Variants in PHTF2 observed in about 807,000 individuals in gnomAD.
The protein encoded by PHTF2 is putative homeodomain transcription factor 2, also known as protein PHTF2.
A neutral mutation model predicts 101.2 loss-of-function variants in PHTF2; 60 were observed. That is an observed-to-expected ratio of 0.59 (90% confidence interval 0.48 to 0.73). The LOEUF (loss-of-function observed/expected upper bound fraction) is 0.73, where lower values mean the gene tolerates loss of function less well. Among genes scored for constraint, PHTF2 ranks in the 30% least tolerant of loss-of-function variants. The pLI is 0.00. For synonymous variants in PHTF2, 311 were observed against 307.3 expected (o/e 1.01, Z -0.13); for missense variants, 747 against 908.7 (o/e 0.82, Z 2.29).
intron 3 of PHTF2, among the ~76,000 whole-genome samples, chr7:77,875,825 G>C (rs1204396091): frequency 1.3e-5 from 2 of 152,076 alleles, no homozygotes; most frequent in Non-Finnish European, 2.9e-5. Context: ...CCAAAGTGCT[G>C]GGATTACAGG....
intron 2 of PHTF2, among the ~76,000 whole-genome samples, chr7:77,845,358 A>G (rs1482864170): frequency 6.6e-6 from 1 of 152,236 alleles, no homozygotes; most frequent in Non-Finnish European, 1.5e-5. Context: ...GCAACATTGT[A>G]TAGTCATAGT....
At chr7:77,918,396 T>A (rs931454665) in intron 9 of PHTF2, among the ~76,000 whole-genome samples, 1 of 152,216 alleles carries the variant, frequency 6.6e-6, no homozygotes, top group Non-Finnish European at 1.5e-5. Context: ...ACTGTCTGAT[T>A]AATGGTTCTA....
intron 3 of PHTF2, among the ~76,000 whole-genome samples, chr7:77,879,205 A>AT (rs1489039404): frequency 6.6e-6 from 1 of 151,952 alleles, no homozygotes; most frequent in Non-Finnish European, 1.5e-5. Context: ...CTTTTTGAAT[A>AT]TTTTTTCTTT....
At chr7:77,956,310 A>C (rs1408365873) in exon 20 of PHTF2, 2 of 152,530 alleles carry the variant, frequency 1.3e-5, no homozygotes, top group Non-Finnish European at 2.9e-5. Context: ...TGATTGGTGC[A>C]GTTCTAATCC....
chr7:77,953,395 T>G (rs1433188658), intron 18 of PHTF2, among the ~76,000 whole-genome samples: 2 of 152,214 alleles, frequency 1.3e-5, no homozygotes, highest in Admixed American at 1.3e-4. Context: ...AGTTTTTACA[T>G]GTTATAATCT....
At chr7:77,901,127 G>A (rs1313777098) in intron 6 of PHTF2, among the ~76,000 whole-genome samples, 1 of 152,126 alleles carries the variant, frequency 6.6e-6, no homozygotes, top group Non-Finnish European at 1.5e-5. Context: ...CTATCTCAAG[G>A]ACAGCCTCAA....
At chr7:77,810,147 C>T (rs943601434) in intron 1 of PHTF2, among the ~76,000 whole-genome samples, 1 of 152,054 alleles carries the variant, frequency 6.6e-6, no homozygotes, top group Non-Finnish European at 1.5e-5. Context: ...TAACATTTCA[C>T]TATATTTGCT....
intron 1 of PHTF2, among the ~76,000 whole-genome samples, chr7:77,803,615 A>C (rs756934466): frequency 3.3e-5 from 5 of 151,976 alleles, no homozygotes; most frequent in Non-Finnish European, 5.9e-5. Flanking sequence ...TATGTAAAGC[A>C]CTTGACATAT....
intron 1 of PHTF2, among the ~76,000 whole-genome samples, chr7:77,835,978 T>G (rs1795427210): frequency 6.6e-6 from 1 of 151,446 alleles, no homozygotes; most frequent in Non-Finnish European, 1.5e-5. Flanking sequence ...ATTAGCCGGG[T>G]GTAGTGGCGC....
At chr7:77,940,855 T>TA (rs922724065) in intron 15 of PHTF2, among the ~76,000 whole-genome samples, 196 bp downstream of exon 14, 6 of 152,136 alleles carry the variant, frequency 3.9e-5, no homozygotes, top group African/African-American at 1.4e-4. Flanking sequence ...AAAAAGAATT[T>TA]AAAAAAAATA....
intron 3 of PHTF2, among the ~76,000 whole-genome samples, chr7:77,859,400 A>G (rs1359568711): frequency 6.6e-6 from 1 of 152,136 alleles, no homozygotes; most frequent in Non-Finnish European, 1.5e-5. Context: ...GTAGACCACC[A>G]GTGAAGAACT....
chr7:77,872,776 G>C (rs1469694963), intron 3 of PHTF2, among the ~76,000 whole-genome samples: 4 of 152,142 alleles, frequency 2.6e-5, no homozygotes, highest in Admixed American at 2.6e-4. Context: ...GAGGTCAGTA[G>C]GTCTAAAGTG....
chr7:77,831,269 A>C (rs750189643), intron 1 of PHTF2, among the ~76,000 whole-genome samples: 3 of 152,274 alleles, frequency 2.0e-5, no homozygotes, highest in Non-Finnish European at 4.4e-5. Flanking sequence ...GCAATTATGG[A>C]AGGCCACCAC....
At chr7:77,877,115 C>CTTTT (rs200021720) in intron 3 of PHTF2, among the ~76,000 whole-genome samples, 4 of 137,224 alleles carry the variant, frequency 2.9e-5, no homozygotes, top group African/African-American at 5.3e-5. Context: ...TTTTCTCTCT[C>CTTTT]TTTTTTTTTT....
intron 3 of PHTF2, among the ~76,000 whole-genome samples, chr7:77,881,163 C>A (rs1424617280): frequency 6.6e-6 from 1 of 152,156 alleles, no homozygotes; most frequent in Non-Finnish European, 1.5e-5. Flanking sequence ...TATTTAACTG[C>A]CATAACCACT....
At chr7:77,859,267 G>A (rs1034192982) in intron 3 of PHTF2, among the ~76,000 whole-genome samples, 4 of 152,182 alleles carry the variant, frequency 2.6e-5, no homozygotes, top group African/African-American at 9.6e-5. Context: ...AGGTTCCGGT[G>A]CATGTGAATA....
At chr7:77,945,436 T>C (rs984394319) in intron 16 of PHTF2, among the ~76,000 whole-genome samples, 1 of 151,740 alleles carries the variant, frequency 6.6e-6, no homozygotes, top group Non-Finnish European at 1.5e-5. Context: ...TTTTTTCAGA[T>C]ACAAGGAAGT....
intron 12 of PHTF2, among the ~76,000 whole-genome samples, chr7:77,933,852 A>G (rs1418866410): frequency 6.6e-6 from 1 of 152,138 alleles, no homozygotes; most frequent in East Asian, 1.9e-4. Context: ...GATTTAAAAA[A>G]TTGTTTTATG....
rs71082789 is a variant in PHTF2 at position 77,850,360 on chromosome 7, CAAAAAAAA to C, written c.46-4355_46-4348del. Among the ~76,000 whole-genome samples, 21 of 44,388 alleles carry C rather than the reference CAAAAAAAA, an allele frequency of 4.7e-4. 1 individual carries two copies. The highest frequency in any genetic ancestry group is 1.4e-3 in the African/African-American group (16 of 11,566). The allele number at this position is 44,388 out of a possible 152,430, so 29.1% of individuals were successfully genotyped here. A position where few individuals can be genotyped will look rare whatever the true frequency, so the allele number is the denominator to read the frequency against. On this transcript the variant is annotated intron_variant, in intron 2 of 19. Transcript: ENST00000416283. Reference sequence around the variant, plus strand: ...TGAAAGACAAAGCAAGACCTTGTCTCAAAAAAAAAAAAAAAAAAAAAAAAAGGCACGAT... The same window carrying C: ...TGAAAGACAAAGCAAGACCTTGTCTCAAAAAAAAAAAAAAAAAGGCACGAT...
Sources: allele counts gnomAD v4.1 joint callset (sites outside exome capture counted in the v4.1 genomes callset), GRCh38; gene constraint gnomAD v4.1.1; transcripts MANE v1.5; gene names NCBI Gene and HGNC (gene_info 2026-07-23, HGNC 2026-07-21).